KCTD10: variants seen among roughly 807,000 people sequenced by gnomAD.
The protein encoded by KCTD10 is BTB/POZ domain-containing adapter for CUL3-mediated RhoA degradation protein 3.
A neutral mutation model predicts 34.6 loss-of-function variants in KCTD10; 13 were observed. That is an observed-to-expected ratio of 0.38 (90% CI 0.24 to 0.60). The LOEUF is 0.60. Among genes scored for constraint, KCTD10 ranks in the 20% least tolerant of loss-of-function variants. The pLI, the probability that KCTD10 is intolerant of heterozygous loss-of-function variation, is 0.66. For synonymous variants in KCTD10, 156 were observed against 168.8 expected, an observed-to-expected ratio of 0.92 and a Z score of 0.59; for missense variants, 256 against 420.3, an observed-to-expected ratio of 0.61 and a Z score of 3.42.
At position 109,450,669 on chromosome 12, in the gene KCTD10, G is replaced by A. The variant is rs1872726303; in HGVS notation, c.*926C>T. On this transcript the variant is annotated 3_prime_UTR_variant, in exon 7 of 7. Transcript: ENST00000228495. ...ACTTAGAAAGTTAGCCCAGCTTCAT[G>A]GGGAAGGAGGCTGAAGAGGAGCGGG... The A allele has an allele frequency of 3.5e-6, 1 of 284,852 alleles. No individual in the cohort carries two copies. Among genetic ancestry groups the A allele is most frequent in the African/African-American group, 2.2e-5 (1 of 45,912 alleles). The allele number at this position is 284,852 out of a possible 1,614,324, so 17.6% of individuals were successfully genotyped here. A position where few individuals can be genotyped will look rare whatever the true frequency, so the allele number is the denominator to read the frequency against.
intron 2 of KCTD10, among the ~76,000 whole-genome samples, chr12:109,467,332 C>T (rs1873638173): frequency 6.6e-6 from 1 of 152,198 alleles, no homozygotes; most frequent in Non-Finnish European, 1.5e-5. Flanking sequence ...TGAAACAATA[C>T]CCATCGGCTG....
rs1396751737 is a variant in KCTD10, at chr12:109,451,570, G to A, written c.*25C>T. ...CGGCAGGGAGTGGGGGCGGTGAGAG[G>A]AGGGCGGCTCGGTCTCTTGCCTGCT... On this transcript the variant is annotated 3_prime_UTR_variant, in exon 7 of 7. Coordinates refer to ENST00000228495, the MANE Select transcript of KCTD10 (RefSeq NM_031954.5). This position sits in a 1 kb window ranked among gnomAD's most constrained non-coding sequence, Gnocchi z 5.0. The A allele has an allele frequency of 1.3e-6, 2 of 1,582,548 alleles. No individual in the cohort carries two copies. Among genetic ancestry groups the A allele is most frequent in the Non-Finnish European group, 1.7e-6 (2 of 1,162,814 alleles).
rs1566054920 is a variant in KCTD10, at chr12:109,460,863, G to A, written c.218-58C>T. On this transcript the variant is annotated intron_variant, in intron 2 of 6. Transcript: ENST00000228495. This position sits in a 1 kb window ranked among gnomAD's most constrained non-coding sequence, Gnocchi z 4.5. ...GGGCCCTCCTCTTGTGGGAGGCCCT[G>A]AGCAGAGCTGGGGTGTCTCTCGGCT... The A allele has an allele frequency of 6.5e-7, 1 of 1,545,986 alleles. No individual in the cohort carries two copies. The highest frequency in any genetic ancestry group is 1.2e-5 in the South Asian group (1 of 86,756).
chr12:109,467,826 G>A (rs2135673813), intron 2 of KCTD10, among the ~76,000 whole-genome samples: 1 of 152,128 alleles, frequency 6.6e-6, no homozygotes, highest in Admixed American at 6.5e-5. Flanking sequence ...GAGCAGTCCT[G>A]CCAGTACCAC....
chr12:109,469,707 C>G lies in KCTD10; in HGVS notation c.25G>C (p.Val9Leu). 1 of 1,614,222 alleles carries G rather than the reference C, an allele frequency of 6.2e-7. No homozygotes were observed. Among genetic ancestry groups the G allele is most frequent in the Non-Finnish European group, 8.5e-7 (1 of 1,180,040 alleles). MEEMSGESVVSSAVPAAAT... is the reference protein window; with the variant it reads MEEMSGESLVSSAVPAAAT... ...GCCGCTGGCACCGCTGAGCTCACCA[C>G]ACTTTCTCCTGACATCTCTTCCTGC... Residue 9 changes from valine (V) to leucine (L), a missense_variant, in exon 2 of 7, where the codon GTG (valine) becomes CTG (leucine). Val to Leu is a conservative substitution (Grantham distance 32, BLOSUM62 1). Transcript: ENST00000228495.
chr12:109,469,374 A>G, intron 2 of KCTD10, 141 bp downstream of exon 2: 1 of 948,790 alleles, frequency 1.1e-6, no homozygotes, highest in Admixed American at 2.7e-5. Flanking sequence ...CAAATCAACG[A>G]CCAAGTCAAG....
intron 5 of KCTD10, chr12:109,457,389 T>C (rs1873072271): frequency 4.8e-6 from 2 of 420,442 alleles, no homozygotes; most frequent in Non-Finnish European, 4.3e-6. Flanking sequence ...CTTGTGAATA[T>C]ATAAAAACCA....
chr12:109,462,246 G>A (rs1247898628), intron 2 of KCTD10, among the ~76,000 whole-genome samples: 2 of 152,230 alleles, frequency 1.3e-5, no homozygotes, highest in South Asian at 2.1e-4. Context: ...TAACAGGGCC[G>A]TTTCCAGGTT....
At chr12:109,457,780 G>C (rs182930793) in intron 4 of KCTD10, 98 bp from the exon 5 acceptor site, 43 of 1,282,112 alleles carry the variant, frequency 3.4e-5, no homozygotes, top group Middle Eastern at 3.7e-4. Context: ...CCCTGCATCA[G>C]AAGAGGCAGA....
chr12:109,474,870 T>A (rs953498762), intron 1 of KCTD10, among the ~76,000 whole-genome samples: 3 of 152,138 alleles, frequency 2.0e-5, no homozygotes, highest in Admixed American at 2.0e-4. Context: ...TGACCCCACG[T>A]TTTCTATATG....
chr12:109,474,249 A>C (rs950856859), intron 1 of KCTD10, among the ~76,000 whole-genome samples: 1 of 152,134 alleles, frequency 6.6e-6, no homozygotes, highest in Non-Finnish European at 1.5e-5. Flanking sequence ...CAAAGGTTTG[A>C]TTTCATTACC....
rs1395854833 is a variant in KCTD10, at chr12:109,461,014, C to A, written c.218-209G>T. Among the ~76,000 whole-genome samples the A allele has an allele frequency of 2.6e-5, 4 of 152,180 alleles. No homozygotes were observed. The East Asian group carries it at 7.7e-4, about 29-fold the overall frequency. ...CCTACTGGCTGGACACAACCATAACCCCAGGTGACCCTGGTCTGAGGCTCT... is the reference window on the plus strand; with the variant it reads ...CCTACTGGCTGGACACAACCATAACACCAGGTGACCCTGGTCTGAGGCTCT... On this transcript the variant is annotated intron_variant, in intron 2 of 6. Transcript: ENST00000228495.
In KCTD10 at chr12:109,460,147, CTTTG is replaced by C. The variant is rs899276472; in HGVS notation, c.387+485_387+488del. On this transcript the variant is annotated intron_variant, in intron 3 of 6. Coordinates refer to ENST00000228495, the MANE Select transcript of KCTD10 (RefSeq NM_031954.5). This position sits in a 1 kb window ranked among gnomAD's most constrained non-coding sequence, Gnocchi z 4.5. Reference sequence around the variant, plus strand: ...CTTCTGATGCTCTGCCACGTTGCAACTTTGTTTGAAATAAAGGGGTGTTGGCCAT... The same window carrying C: ...CTTCTGATGCTCTGCCACGTTGCAACTTTGAAATAAAGGGGTGTTGGCCAT... 2.0e-4 allele frequency among the ~76,000 whole-genome samples: 31 copies of C among 152,290 alleles called. No individual in the cohort carries two copies. In the South Asian group the frequency reaches 2.7e-3, roughly 13 times the overall value.
At chr12:109,472,901 G>A (rs1388409355) in intron 1 of KCTD10, among the ~76,000 whole-genome samples, 4 of 152,184 alleles carry the variant, frequency 2.6e-5, no homozygotes, top group African/African-American at 9.7e-5. Flanking sequence ...TACTTTAAGT[G>A]TACAGTTTGA....
intron 3 of KCTD10, chr12:109,459,734 T>C (rs1368089902): frequency 6.6e-6 from 1 of 152,154 alleles, no homozygotes; most frequent in African/African-American, 2.4e-5. Context: ...TGTCAAAAAC[T>C]GGGAATTCAA....
chr12:109,471,549 C>G (rs1873886923), intron 1 of KCTD10, among the ~76,000 whole-genome samples: 1 of 152,218 alleles, frequency 6.6e-6, no homozygotes, highest in South Asian at 2.1e-4. Flanking sequence ...CCAGAAGAAG[C>G]AGTTACCCCT....
At chr12:109,455,423 T>C (rs1369647145) in intron 6 of KCTD10, 1 of 152,124 alleles carries the variant, frequency 6.6e-6, no homozygotes, top group Non-Finnish European at 1.5e-5. Context: ...GTTTCTACTT[T>C]GTGATGTGAT....
At chr12:109,464,316 A>C (rs1873490012) in intron 2 of KCTD10, among the ~76,000 whole-genome samples, 2 of 152,222 alleles carry the variant, frequency 1.3e-5, no homozygotes, top group Admixed American at 1.3e-4. Context: ...TTTGGACCAG[A>C]TAATTCTTAG....
intron 3 of KCTD10, 40 bp from the exon 4 acceptor site, chr12:109,458,118 C>T: frequency 4.6e-6 from 7 of 1,532,228 alleles, no homozygotes; most frequent in Non-Finnish European, 6.3e-6. Context: ...GGAGGCCTGC[C>T]TAGCACTGCA....
Sources: allele counts gnomAD v4.1 joint callset (sites outside exome capture counted in the v4.1 genomes callset), GRCh38; gene constraint gnomAD v4.1.1; non-coding constraint Gnocchi (gnomAD v3.1); transcripts MANE v1.5; gene names NCBI Gene and HGNC (gene_info 2026-07-23, HGNC 2026-07-21).